RANBP2: variants seen among roughly 807,000 people sequenced by gnomAD.
The protein encoded by RANBP2 is RAN binding protein 2.
Under a neutral mutation model 303.6 loss-of-function variants are expected in RANBP2, and 57 were observed. That is an observed-to-expected ratio of 0.19 (90% confidence interval 0.15 to 0.23). The LOEUF (loss-of-function observed/expected upper bound fraction) is 0.23. Ranked by LOEUF, RANBP2 falls within the 10% of genes least tolerant of loss-of-function variation. The pLI, the probability that RANBP2 is intolerant of heterozygous loss-of-function variation, is 1.00. For missense variants in RANBP2, 3,138 were observed against 3,780.8 expected (o/e 0.83, Z 4.46); for synonymous variants, 1,167 against 1,301.5 (o/e 0.90, Z 2.23).
intron 1 of RANBP2, among the ~76,000 whole-genome samples, chr2:108,722,968 C>T (rs1177016104): frequency 6.6e-6 from 1 of 152,144 alleles, no homozygotes; most frequent in African/African-American, 2.4e-5. Context: ...TTTAGTTTTT[C>T]TATGTTCTGT....
the RANBP2 span, among the ~76,000 whole-genome samples, chr2:109,695,776 GC>G: frequency 6.6e-6 from 1 of 152,272 alleles, no homozygotes; most frequent in Non-Finnish European, 1.5e-5. Context: ...TGCTAAAACT[GC>G]TGGGGGCAGT....
the RANBP2 span, among the ~76,000 whole-genome samples, chr2:109,044,988 G>A: frequency 6.6e-6 from 1 of 152,186 alleles, no homozygotes; most frequent in African/African-American, 2.4e-5. Flanking sequence ...AAAACCATGG[G>A]AATAGTTCCA....
the RANBP2 span, among the ~76,000 whole-genome samples, chr2:109,436,583 C>T: frequency 6.6e-6 from 1 of 152,248 alleles, no homozygotes; most frequent in South Asian, 2.1e-4. Context: ...TCTGGAGACA[C>T]ACAGCTGTTT....
chr2:109,470,815 G>C, the RANBP2 span, among the ~76,000 whole-genome samples: 1 of 152,240 alleles, frequency 6.6e-6, no homozygotes, highest in Admixed American at 6.5e-5. Context: ...TCAGCTCACA[G>C]CAAACAAAGG....
chr2:108,929,349 A>T, the RANBP2 span: 1 of 1,614,160 alleles, frequency 6.2e-7, no homozygotes, highest in Non-Finnish European at 8.5e-7. Context: ...ACGCAGCCGT[A>T]GTCCTCGTCT....
chr2:108,727,736 G>A (rs534297709), intron 1 of RANBP2, among the ~76,000 whole-genome samples: 2 of 151,974 alleles, frequency 1.3e-5, no homozygotes, highest in Admixed American at 1.3e-4. Context: ...CCAAGCAGTG[G>A]GGATTACAGG....
At chr2:109,409,869 T>C in the RANBP2 span, among the ~76,000 whole-genome samples, 1 of 152,110 alleles carries the variant, frequency 6.6e-6, no homozygotes, top group Non-Finnish European at 1.5e-5. Context: ...TAGCGAGTGA[T>C]GAATAATGCA....
chr2:109,345,485 G>A, the RANBP2 span, among the ~76,000 whole-genome samples: 4 of 152,074 alleles, frequency 2.6e-5, no homozygotes, highest in African/African-American at 9.7e-5. Context: ...CTTATAACAC[G>A]GCTTTTAAGC....
the RANBP2 span, among the ~76,000 whole-genome samples, chr2:108,903,997 C>T: frequency 6.6e-6 from 1 of 151,962 alleles, no homozygotes; most frequent in African/African-American, 2.4e-5. Context: ...CTATGAAAGA[C>T]CCTGTTAAGA....
the RANBP2 span, among the ~76,000 whole-genome samples, chr2:109,512,483 G>A: frequency 6.6e-6 from 1 of 152,142 alleles, no homozygotes; most frequent in South Asian, 2.1e-4. Context: ...ACTCTGTACC[G>A]CGCTGGGCAC....
At chr2:108,833,992 T>C in the RANBP2 span, among the ~76,000 whole-genome samples, 2 of 145,796 alleles carry the variant, frequency 1.4e-5, no homozygotes, top group Admixed American at 1.4e-4. Flanking sequence ...ATGATCCGCC[T>C]GCCTCGGCCT....
At chr2:108,918,228 A>G in the RANBP2 span, among the ~76,000 whole-genome samples, 35 of 152,288 alleles carry the variant, frequency 2.3e-4, no homozygotes, top group Admixed American at 1.8e-3. Flanking sequence ...TGCAGCCCCC[A>G]GGATAGGCAC....
chr2:109,197,348 A>G, the RANBP2 span, among the ~76,000 whole-genome samples: 1 of 152,134 alleles, frequency 6.6e-6, no homozygotes, highest in African/African-American at 2.4e-5. Context: ...AAGGGAAGGG[A>G]AGGGCCAGAC....
chr2:109,666,989 T>C, the RANBP2 span: 1 of 428,276 alleles, frequency 2.3e-6, no homozygotes, highest in Non-Finnish European at 4.2e-6. Context: ...GATGGATGAC[T>C]GAGTCCTGAT....
chr2:109,669,049 A>G, the RANBP2 span, among the ~76,000 whole-genome samples: 1 of 152,228 alleles, frequency 6.6e-6, no homozygotes, highest in Non-Finnish European at 1.5e-5. Flanking sequence ...GAGGACCCAG[A>G]TATACATGCA....
chr2:108,930,867 G>A, the RANBP2 span: 1 of 1,339,056 alleles, frequency 7.5e-7, no homozygotes, highest in Non-Finnish European at 1.1e-6. Flanking sequence ...GAGGGACTAT[G>A]ATCAGCATTC....
At chr2:109,613,599 G>C in the RANBP2 span, 16 of 298,096 alleles carry the variant, frequency 5.4e-5, no homozygotes, top group African/African-American at 2.9e-4. Flanking sequence ...GGGTCCGGCC[G>C]CGCCCAGGCT....
the RANBP2 span, among the ~76,000 whole-genome samples, chr2:109,799,310 A>G: frequency 9.8e-6 from 1 of 101,762 alleles, no homozygotes; most frequent in African/African-American, 4.4e-5. Flanking sequence ...GTTGTGTATT[A>G]TTTTTGTTAA....
Position 108,765,565 on chromosome 2 carries a change from G to A in RANBP2, c.5026G>A (p.Val1676Ile), listed in dbSNP as rs534417036. The change falls in exon 20 of 29, where the codon GTA becomes ATA. Residue 1676 changes from valine (V) to isoleucine (I), a missense_variant. Transcript: ENST00000283195. Reference sequence around the variant, plus strand: ...ACAGTGGGATTGCAGTGTGTGCTTAGTAAGAAATGAAGCCAGTGCTACCAA... The same window carrying A: ...ACAGTGGGATTGCAGTGTGTGCTTAATAAGAAATGAAGCCAGTGCTACCAA... ...EGQWDCSVCLVRNEASATKCI... is the reference protein window; with the variant it reads ...EGQWDCSVCLIRNEASATKCI... 2 of 1,526,134 alleles carry A rather than the reference G, an allele frequency of 1.3e-6. No homozygotes were observed. Among genetic ancestry groups the A allele is most frequent in the Non-Finnish European group, 1.8e-6 (2 of 1,139,480 alleles). The allele number at this position is 1,526,134 out of a possible 1,614,324, so 94.5% of individuals were successfully genotyped here. A position where few individuals can be genotyped will look rare whatever the true frequency, so the allele number is the denominator to read the frequency against.
Sources: allele counts gnomAD v4.1 joint callset (sites outside exome capture counted in the v4.1 genomes callset), GRCh38; gene constraint gnomAD v4.1.1; transcripts MANE v1.5; gene names NCBI Gene and HGNC (gene_info 2026-07-23, HGNC 2026-07-21).